TRIM5: variants seen among roughly 807,000 people sequenced by gnomAD.
The protein encoded by TRIM5 is tripartite motif containing 5, also known as tripartite motif-containing protein 5.
Under a neutral mutation model 35.6 loss-of-function variants are expected in TRIM5, and 31 were observed. That is an observed-to-expected ratio of 0.87 (90% CI 0.65 to 1.18). The LOEUF is 1.18. Among genes scored for constraint, TRIM5 ranks in the 50% most tolerant of loss-of-function variants. TRIM5 has a pLI of 0.00. For missense variants in TRIM5, 609 were observed against 591.6 expected (o/e 1.03, Z -0.31); for synonymous variants, 243 against 215.6 (o/e 1.13, Z -1.11).
chr11:5,642,755 A>G, the TRIM5 span: 386 of 1,604,536 alleles, frequency 2.4e-4, 1 homozygote, highest in Non-Finnish European at 2.6e-4. Context: ...TAAAGAATAT[A>G]TAGGTATCAG....
chr11:5,683,657 G>C (rs1388227919), intron 1 of TRIM5, among the ~76,000 whole-genome samples: 1 of 152,144 alleles, frequency 6.6e-6, no homozygotes, highest in East Asian at 1.9e-4. Flanking sequence ...AGCTACTCTG[G>C]TGGGGATGTG....
chr11:5,611,139 C>G, the TRIM5 span: 1 of 1,614,170 alleles, frequency 6.2e-7, no homozygotes, highest in South Asian at 1.1e-5. Flanking sequence ...TTCCCCTTCC[C>G]TGCTTCTCTC....
the TRIM5 span, among the ~76,000 whole-genome samples, chr11:5,604,998 G>C: frequency 2.6e-5 from 4 of 151,702 alleles, no homozygotes; most frequent in Admixed American, 1.3e-4. Context: ...AGACAGGTTA[G>C]TCACAGGCCA....
chr11:5,683,632 C>T (rs879095628), intron 1 of TRIM5, among the ~76,000 whole-genome samples: 1 of 152,150 alleles, frequency 6.6e-6, no homozygotes, highest in Non-Finnish European at 1.5e-5. Context: ...ATGCACCAAT[C>T]GACACTCTGT....
chr11:5,611,346 T>C, the TRIM5 span: 2 of 1,607,880 alleles, frequency 1.2e-6, no homozygotes, highest in African/African-American at 2.7e-5. Context: ...CTCTTGAATA[T>C]TCTTCTGTTC....
chr11:5,653,198 T>C, the TRIM5 span, among the ~76,000 whole-genome samples: 2 of 152,210 alleles, frequency 1.3e-5, no homozygotes, highest in African/African-American at 2.4e-5. Context: ...ATTGTAGATA[T>C]CCTTCATCTC....
At chr11:5,620,298 C>G in the TRIM5 span, among the ~76,000 whole-genome samples, 1 of 150,532 alleles carries the variant, frequency 6.6e-6, no homozygotes, top group Admixed American at 6.7e-5. Context: ...CTGCCTCAAC[C>G]TCCCAAGTAA....
the TRIM5 span, chr11:5,608,499 GAGAGT>G: frequency 6.5e-7 from 1 of 1,549,666 alleles, no homozygotes; most frequent in Non-Finnish European, 8.8e-7. Context: ...GAAGATTCAA[GAGAGT>G]AGTCTTGAAT....
At chr11:5,611,356 C>A in the TRIM5 span, 1 of 1,595,832 alleles carries the variant, frequency 6.3e-7, no homozygotes, top group Non-Finnish European at 8.6e-7. Flanking sequence ...TTCTTCTGTT[C>A]CCACCCACTT....
the TRIM5 span, among the ~76,000 whole-genome samples, chr11:5,633,276 G>A: frequency 2.0e-5 from 3 of 150,404 alleles, no homozygotes; most frequent in African/African-American, 2.4e-5. Context: ...TCTGAGTCCC[G>A]TGATCTTCTC....
chr11:5,596,671 C>T, the TRIM5 span: 2 of 621,842 alleles, frequency 3.2e-6, no homozygotes, highest in Admixed American at 3.2e-5. Flanking sequence ...CCGCAAACTC[C>T]TGACCTGTGG....
At chr11:5,613,786 A>C in the TRIM5 span, among the ~76,000 whole-genome samples, 1 of 152,200 alleles carries the variant, frequency 6.6e-6, no homozygotes, top group Admixed American at 6.5e-5. Context: ...TGGTATAGTT[A>C]TCCTAATATT....
At chr11:5,651,808 A>AT in the TRIM5 span, among the ~76,000 whole-genome samples, 12 of 151,782 alleles carry the variant, frequency 7.9e-5, no homozygotes, top group African/African-American at 1.7e-4. Flanking sequence ...AGCATCTATT[A>AT]TTTTTTTTAC....
chr11:5,648,463 G>A, the TRIM5 span, among the ~76,000 whole-genome samples: 6 of 151,796 alleles, frequency 4.0e-5, no homozygotes, highest in Middle Eastern at 3.4e-3. Context: ...CCGAGATCGC[G>A]CCACTGCACT....
chr11:5,668,686 G>C (rs1023327853), intron 4 of TRIM5, among the ~76,000 whole-genome samples: 1 of 152,130 alleles, frequency 6.6e-6, no homozygotes, highest in Non-Finnish European at 1.5e-5. Context: ...CTGACCTCAA[G>C]TGATCCACCT....
At chr11:5,610,604 C>A in the TRIM5 span, 16 of 1,600,154 alleles carry the variant, frequency 1.0e-5, no homozygotes, top group African/African-American at 2.0e-4. Flanking sequence ...ACATTCTGAT[C>A]TCCTTTCACA....
chr11:5,667,604 A>T, intron 5 of TRIM5, 85 bp downstream of exon 5: 1 of 1,445,870 alleles, frequency 6.9e-7, no homozygotes, highest in Non-Finnish European at 9.5e-7. Context: ...GAGATGTTTT[A>T]TTCTAATTAA....
In TRIM5 at chr11:5,664,963, T is replaced by C; in HGVS notation, c.1328A>G (p.Asp443Gly). Residue 443 changes from aspartate (D) to glycine (G), a missense_variant, in exon 8 of 8, where the codon GAC becomes GGC. Physicochemically the swap from Asp to Gly is moderately conservative, Grantham distance 94. Transcript: ENST00000380034. The stretch of plus-strand genomic sequence containing the variant: ...GAATGAGACAGTGCAAGCCTCATAG[T>C]CTAGGAAAACTCCAACACGATCAGG... ...ICPDRVGVFL[D>G]YEACTVSFFN... 6.2e-7 allele frequency: 1 copy of C among 1,614,068 alleles called. No homozygotes were observed.
intron 1 of TRIM5, among the ~76,000 whole-genome samples, chr11:5,682,544 A>G (rs12285766): frequency 0.53 from 80,505 of 151,708 alleles, 21,347 homozygotes; most frequent in African/African-American, 0.53. Context: ...TGTATAGACA[A>G]AGTTGCTTAA....
Sources: allele counts gnomAD v4.1 joint callset (sites outside exome capture counted in the v4.1 genomes callset), GRCh38; gene constraint gnomAD v4.1.1; transcripts MANE v1.5; gene names NCBI Gene and HGNC (gene_info 2026-07-23, HGNC 2026-07-21).